The following COL5A1 variants were observed in gnomAD, a reference collection of about 807,000 sequenced individuals.
COL5A1 encodes collagen alpha-1(V) chain.
COL5A1 carries 16 observed loss-of-function variants against 263.7 expected under a neutral mutation model. That is an observed-to-expected ratio of 0.06 (90% CI 0.04 to 0.09). COL5A1 has a LOEUF of 0.09. Ranked by LOEUF, COL5A1 falls within the 10% of genes least tolerant of loss-of-function variation. The probability of loss-of-function intolerance (pLI) is 1.00; values close to 1 mark genes in which losing one functional copy is unlikely to be tolerated. For missense variants in COL5A1, 2,036 were observed against 2,540.5 expected (o/e 0.80, Z 4.27); for synonymous variants, 1,012 against 1,004.5 (o/e 1.01, Z -0.14).
At position 134,757,239 on chromosome 9, in the gene COL5A1, T is replaced by C. The variant is rs147169915; in HGVS notation, c.1881+421T>C. On this transcript the variant is annotated intron_variant, in intron 17 of 65. Coordinates refer to ENST00000371817, the MANE Select transcript of COL5A1 (RefSeq NM_000093.5). This position sits in a 1 kb window ranked among gnomAD's most constrained non-coding sequence, Gnocchi z 6.2. ...TAAAGGCAGGGCTGTGTGTGTGGCATGAATGAGGCTGCACCAGGCATGCAC... is the reference window on the plus strand; with the variant it reads ...TAAAGGCAGGGCTGTGTGTGTGGCACGAATGAGGCTGCACCAGGCATGCAC... 1.2e-3 allele frequency among the ~76,000 whole-genome samples: 181 copies of C among 152,210 alleles called. No individual in the cohort carries two copies. The highest frequency in any genetic ancestry group is 3.4e-3 in the Middle Eastern group (1 of 294).
At chr9:134,674,971 G>A (rs372950850) in intron 1 of COL5A1, among the ~76,000 whole-genome samples, 1 of 152,046 alleles carries the variant, frequency 6.6e-6, no homozygotes, top group Non-Finnish European at 1.5e-5. Flanking sequence ...ATTTCCTCAC[G>A]TTTCAATATT....
At chr9:134,838,652 C>G (rs1839923187) in intron 65 of COL5A1, among the ~76,000 whole-genome samples, 1 of 152,222 alleles carries the variant, frequency 6.6e-6, no homozygotes, top group Admixed American at 6.5e-5. Context: ...TCTCTGCGTG[C>G]AGAGGAGGGA....
At chr9:134,825,001 C>T (rs750964013) in intron 62 of COL5A1, 146 bp downstream of exon 62, 46 of 1,171,300 alleles carry the variant, frequency 3.9e-5, no homozygotes, top group African/African-American at 2.2e-4. Flanking sequence ...GGCCGGGGTG[C>T]GCAAGAGCCT....
At chr9:134,708,506 C>G (rs1231620624) in intron 4 of COL5A1, 2 of 498,320 alleles carry the variant, frequency 4.0e-6, no homozygotes, top group Admixed American at 2.0e-5. Context: ...CTACCCAGCC[C>G]TGCTGTCTCC....
At chr9:134,788,541 T>G (rs1189631586) in intron 31 of COL5A1, among the ~76,000 whole-genome samples, 43 of 45,436 alleles carry the variant, frequency 9.5e-4, no homozygotes, top group Admixed American at 1.6e-3. Flanking sequence ...AATGGAGGGG[T>G]GGGTGGATAG....
chr9:134,696,227 G>A lies in COL5A1; in HGVS notation c.278-3682G>A, dbSNP rs1487880112. 6.6e-6 allele frequency among the ~76,000 whole-genome samples: 1 copy of A among 152,156 alleles called. No homozygotes were observed. The highest frequency in any genetic ancestry group is 1.5e-5 in the Non-Finnish European group (1 of 68,006). On this transcript the variant is annotated intron_variant, in intron 2 of 65. Coordinates refer to ENST00000371817, the MANE Select transcript of COL5A1 (RefSeq NM_000093.5). This position sits in a 1 kb window ranked among gnomAD's most constrained non-coding sequence, Gnocchi z 4.3. ...CTCACTCTGTCGCCCAGGCTGGAGT[G>A]CAGTGGTGTAATCTTGGCTCACGGC...
At chr9:134,738,679 A>G in intron 10 of COL5A1, 67 bp from the exon 11 acceptor site, 1 of 1,437,332 alleles carries the variant, frequency 7.0e-7, no homozygotes, top group Non-Finnish European at 9.8e-7. Flanking sequence ...TTGGTTGGCC[A>G]GTTGGAACTT....
intron 9 of COL5A1, among the ~76,000 whole-genome samples, chr9:134,735,036 C>T (rs1835048049): frequency 2.0e-5 from 3 of 151,950 alleles, no homozygotes; most frequent in Admixed American, 2.0e-4. Context: ...CATGGCAAAA[C>T]CCTGTCTTTA....
At chr9:134,788,714 T>C (rs1837562262) in intron 31 of COL5A1, among the ~76,000 whole-genome samples, 1 of 143,822 alleles carries the variant, frequency 7.0e-6, no homozygotes, top group Non-Finnish European at 1.6e-5. Context: ...AACAGGTGTA[T>C]GAATGGGTAG....
In COL5A1 at chr9:134,823,392, G is replaced by A. The variant is rs201986615; in HGVS notation, c.4645-24G>A. ...TCCCCTCATACCTCTGTGACCAAGG[G>A]TTGATTCTTTTCTTTCTCCCCAGGG... On this transcript the variant is annotated intron_variant, in intron 60 of 65. Transcript: ENST00000371817. 52 of 1,614,078 alleles carry A rather than the reference G, an allele frequency of 3.2e-5. No individual in the cohort carries two copies. The East Asian group carries it at 1.2e-3, about 36-fold the overall frequency.
intron 61 of COL5A1, 119 bp downstream of exon 61, chr9:134,823,588 C>A: frequency 9.1e-7 from 1 of 1,098,424 alleles, no homozygotes; most frequent in Non-Finnish European, 1.4e-6. Context: ...ATGTGGCATG[C>A]CCGGGCCTTG....
At position 134,680,655 on chromosome 9, in the gene COL5A1, T is replaced by C. The variant is rs77401728; in HGVS notation, c.110-10257T>C. On this transcript the variant is annotated intron_variant, in intron 1 of 65. Transcript: ENST00000371817. The surrounding 1 kb of genome is among the most constrained non-coding windows in gnomAD (Gnocchi z 5.9). ...TGGGGAGGGTGGCCATGCTGTGCAC[T>C]GCACAACCCCAGGGAGCGCTGTTCT... Among the ~76,000 whole-genome samples, 495 of 152,338 alleles carry C rather than the reference T, an allele frequency of 3.2e-3. 4 individuals are homozygous for C. Among genetic ancestry groups the C allele is most frequent in the Non-Finnish European group, 4.8e-3 (326 of 68,026 alleles).
In COL5A1 at chr9:134,788,129, CATAG is replaced by C. The variant is rs138474418; in HGVS notation, c.2647-1023_2647-1020del. 2.6e-3 allele frequency among the ~76,000 whole-genome samples: 354 copies of C among 135,532 alleles called. 3 individuals carry two copies. The highest frequency in any genetic ancestry group is 9.0e-3 in the African/African-American group (321 of 35,586). 88.9% of individuals were successfully genotyped at this position (135,532 alleles called of 152,430 possible). A position where few individuals can be genotyped will look rare whatever the true frequency, so the allele number is the denominator to read the frequency against. On this transcript the variant is annotated intron_variant, in intron 31 of 65. Coordinates refer to ENST00000371817, the MANE Select transcript of COL5A1 (RefSeq NM_000093.5). ...GATGGGTGGGCAGGTGGGGTAGATA[CATAG>C]ATGGATGGATGAGTGGGCAGGTAAA...
chr9:134,764,142 G>A (rs927675398), intron 20 of COL5A1, among the ~76,000 whole-genome samples: 4 of 142,826 alleles, frequency 2.8e-5, no homozygotes, highest in Non-Finnish European at 4.6e-5. Flanking sequence ...GGGGTACAGG[G>A]GCATCATTGG....
At chr9:134,701,614 G>C (rs577311085) in intron 4 of COL5A1, among the ~76,000 whole-genome samples, 1 of 152,276 alleles carries the variant, frequency 6.6e-6, no homozygotes, top group African/African-American at 2.4e-5. Context: ...GTGCTGGCTC[G>C]GAAAGGACAG....
chr9:134,643,659 C>A (rs970243577), intron 1 of COL5A1, among the ~76,000 whole-genome samples: 3 of 152,088 alleles, frequency 2.0e-5, no homozygotes, highest in African/African-American at 7.2e-5. Flanking sequence ...TGACCCTGGG[C>A]TAACTGGGCT....
At chr9:134,790,815 T>A (rs1442368819) in intron 32 of COL5A1, among the ~76,000 whole-genome samples, 2 of 151,900 alleles carry the variant, frequency 1.3e-5, no homozygotes, top group Admixed American at 6.6e-5. Context: ...ACATGGGGAA[T>A]GTGAGGTACC....
chr9:134,780,588 G>A (rs1837214646), intron 28 of COL5A1, among the ~76,000 whole-genome samples: 1 of 152,236 alleles, frequency 6.6e-6, no homozygotes, highest in African/African-American at 2.4e-5. Flanking sequence ...CTCACAGTGT[G>A]CAGCAGAGCC....
In COL5A1 at chr9:134,795,120, C is replaced by T. The variant is rs1449725761; in HGVS notation, c.2739C>T (p.Gly913=). ...AGCCAGGACCGCGGGGGCAGCGAGG[C>T]CCAACGGTAACCACCCTTTCAGCTT... The part of the protein sequence containing the change: ...PGKPGPRGQR[G]PTGPRGERGP... Residue 913 remains glycine (G), a synonymous_variant, in exon 33 of 66, where the codon GGC becomes GGT. Transcript: ENST00000371817. 11 of 1,614,072 alleles carry T rather than the reference C, an allele frequency of 6.8e-6. No individual in the cohort carries two copies. Among genetic ancestry groups the T allele is most frequent in the Non-Finnish European group, 9.3e-6 (11 of 1,180,016 alleles).
Sources: gnomAD v4.1 joint callset for allele counts (sites outside exome capture counted in the v4.1 genomes callset) on GRCh38, gnomAD v4.1.1 for gene constraint, Gnocchi (gnomAD v3.1) non-coding constraint, MANE v1.5 for transcripts, NCBI Gene and HGNC (gene_info 2026-07-23, HGNC 2026-07-21) for gene names.